RXRA: variants seen among roughly 807,000 people sequenced by gnomAD.
RXRA encodes the protein retinoid X receptor alpha.
In RXRA, 5 loss-of-function variants were observed where a neutral mutation model predicts 44.5. That is an observed-to-expected ratio of 0.11 (90% CI 0.06 to 0.24). The LOEUF (loss-of-function observed/expected upper bound fraction) is 0.24, where lower values mean the gene tolerates loss of function less well. RXRA is among the 10% of genes least tolerant of loss of function. RXRA has a pLI of 1.00. For synonymous variants in RXRA, 291 were observed against 271.4 expected (o/e 1.07, Z -0.71); for missense variants, 412 against 646.5 (o/e 0.64, Z 3.93).
chr9:134,339,386 C>T (rs1214732356), intron 1 of RXRA, among the ~76,000 whole-genome samples: 1 of 152,130 alleles, frequency 6.6e-6, no homozygotes, highest in Non-Finnish European at 1.5e-5. Context: ...GCGTGAGCCT[C>T]TGTCTGCGTG....
chr9:134,342,852 C>A lies in RXRA; in HGVS notation c.28+16193C>A, dbSNP rs1830102847. On this transcript the variant is annotated intron_variant, in intron 1 of 9. Transcript: ENST00000481739. This position sits in a 1 kb window ranked among gnomAD's most constrained non-coding sequence, Gnocchi z 4.4. ...GTTGAGCGCAGGTGGTGGCTGTGGC[C>A]CTGCCACCACCACAGTGACCTTCCC... is the stretch of plus-strand genomic sequence containing the variant. Among the ~76,000 whole-genome samples, 1 of 152,172 alleles carries A rather than the reference C, an allele frequency of 6.6e-6. No individual in the cohort carries two copies. The highest frequency in any genetic ancestry group is 6.5e-5 in the Admixed American group (1 of 15,292).
chr9:134,416,681 C>T (rs1319736301), intron 4 of RXRA, among the ~76,000 whole-genome samples: 1 of 152,068 alleles, frequency 6.6e-6, no homozygotes, highest in South Asian at 2.1e-4. Flanking sequence ...TTGCCCAGGC[C>T]CTCAGCCAGC....
At chr9:134,380,308 C>G (rs1288402159) in intron 1 of RXRA, 21 of 582,212 alleles carry the variant, frequency 3.6e-5, no homozygotes, top group Non-Finnish European at 2.6e-5. Flanking sequence ...GTGGCTTGGC[C>G]TGGGGGCAGG....
At chr9:134,408,380 C>T (rs982679778) in intron 3 of RXRA, 81 bp downstream of exon 3, 3 of 1,436,520 alleles carry the variant, frequency 2.1e-6, no homozygotes, top group Admixed American at 4.9e-5. Context: ...CCCAAATCAC[C>T]CTCCTGTGGG....
At chr9:134,379,027 C>T (rs1481904616) in intron 1 of RXRA, among the ~76,000 whole-genome samples, 1 of 152,202 alleles carries the variant, frequency 6.6e-6, no homozygotes, top group African/African-American at 2.4e-5. Flanking sequence ...CAGCCGCCAC[C>T]CATTTGTCAG....
intron 4 of RXRA, among the ~76,000 whole-genome samples, chr9:134,413,423 C>T (rs987728168): frequency 6.6e-6 from 1 of 152,148 alleles, no homozygotes; most frequent in Non-Finnish European, 1.5e-5. Context: ...GTTCTGATGC[C>T]TTGCTCTAGG....
chr9:134,348,477 C>T (rs528419769), intron 1 of RXRA, among the ~76,000 whole-genome samples: 46 of 151,986 alleles, frequency 3.0e-4, no homozygotes, highest in African/African-American at 1.1e-3. Context: ...CCGAGGTCCC[C>T]CAGGGCCCAT....
At chr9:134,402,159 G>A (rs1830973710) in intron 2 of RXRA, 2 of 511,496 alleles carry the variant, frequency 3.9e-6, no homozygotes, top group South Asian at 2.7e-5. Context: ...GAGGGCTCGG[G>A]ACTCCCTGTT....
At chr9:134,376,967 G>A (rs1379023436) in intron 1 of RXRA, among the ~76,000 whole-genome samples, 2 of 152,220 alleles carry the variant, frequency 1.3e-5, no homozygotes, top group South Asian at 2.1e-4. Context: ...CACTGGCTGA[G>A]TGTGCGATTG....
intron 1 of RXRA, among the ~76,000 whole-genome samples, chr9:134,370,339 C>G (rs995273511): frequency 2.0e-5 from 3 of 152,214 alleles, no homozygotes; most frequent in African/African-American, 7.2e-5. Flanking sequence ...CTCGCCGTGT[C>G]CACTGCTGGG....
chr9:134,394,871 A>T (rs1476722647), intron 1 of RXRA, among the ~76,000 whole-genome samples: 1 of 152,148 alleles, frequency 6.6e-6, no homozygotes, highest in Non-Finnish European at 1.5e-5. Flanking sequence ...GAGCTCAAGG[A>T]GGGAGAGGCC....
At chr9:134,378,742 G>A (rs1830596119) in intron 1 of RXRA, among the ~76,000 whole-genome samples, 1 of 152,208 alleles carries the variant, frequency 6.6e-6, no homozygotes, top group African/African-American at 2.4e-5. Context: ...AAGGCAGCCT[G>A]GAGTTGGGGT....
At chr9:134,383,222 A>C (rs750930744) in intron 1 of RXRA, among the ~76,000 whole-genome samples, 1 of 152,156 alleles carries the variant, frequency 6.6e-6, no homozygotes, top group Non-Finnish European at 1.5e-5. Context: ...GGTCAGCTGG[A>C]CTTGCTCTGG....
At chr9:134,333,486 G>T (rs3818732) in intron 1 of RXRA, among the ~76,000 whole-genome samples, 1 of 151,992 alleles carries the variant, frequency 6.6e-6, no homozygotes, top group Non-Finnish European at 1.5e-5. Flanking sequence ...GCTGCCGTGC[G>T]TGCGGGGTCT....
chr9:134,361,685 A>G (rs1830354283), intron 1 of RXRA, among the ~76,000 whole-genome samples: 2 of 152,204 alleles, frequency 1.3e-5, no homozygotes, highest in South Asian at 2.1e-4. Flanking sequence ...CAAGCACCTA[A>G]TGGCTCTGAT....
At chr9:134,413,240 G>A (rs370256470) in intron 4 of RXRA, among the ~76,000 whole-genome samples, 6 of 152,250 alleles carry the variant, frequency 3.9e-5, no homozygotes, top group African/African-American at 1.4e-4. Context: ...TGGGGTTGGA[G>A]AGCAGTGGTC....
At chr9:134,334,512 G>A (rs1835055337) in intron 1 of RXRA, among the ~76,000 whole-genome samples, 1 of 152,276 alleles carries the variant, frequency 6.6e-6, no homozygotes, top group East Asian at 1.9e-4. Flanking sequence ...GACTGCCGCA[G>A]TGATAGCATG....
intron 1 of RXRA, among the ~76,000 whole-genome samples, chr9:134,350,702 A>T (rs1321222789): frequency 6.6e-6 from 1 of 152,126 alleles, no homozygotes; most frequent in African/African-American, 2.4e-5. Flanking sequence ...CCCCCGCAGG[A>T]GCAGCTCCAT....
intron 1 of RXRA, among the ~76,000 whole-genome samples, chr9:134,339,656 T>TGA (rs1830059839): frequency 6.7e-6 from 1 of 148,720 alleles, no homozygotes; most frequent in African/African-American, 2.5e-5. Flanking sequence ...TCTGTGTGTG[T>TGA]GCCTGTGTGT....
Sources: allele counts gnomAD v4.1 joint callset (sites outside exome capture counted in the v4.1 genomes callset), GRCh38; gene constraint gnomAD v4.1.1; non-coding constraint Gnocchi (gnomAD v3.1); transcripts MANE v1.5; gene names NCBI Gene and HGNC (gene_info 2026-07-23, HGNC 2026-07-21).